MCF2L2: variants seen among roughly 807,000 people sequenced by gnomAD.
MCF2L2 encodes the protein probable guanine nucleotide exchange factor MCF2L2.
Under a neutral mutation model 150.2 loss-of-function variants are expected in MCF2L2, and 102 were observed. The ratio of observed to expected loss-of-function variants is 0.68; its 90% CI spans 0.58 to 0.80. The LOEUF (loss-of-function observed/expected upper bound fraction) is 0.80, where lower values mean the gene tolerates loss of function less well. MCF2L2 is among the 30% of genes least tolerant of loss of function. The pLI is 0.00. For synonymous variants in MCF2L2, 465 were observed against 491.3 expected (o/e 0.95, Z 0.71); for missense variants, 1,256 against 1,372.8 (o/e 0.91, Z 1.34).
rs1018982754 is a variant in MCF2L2 at position 183,283,711 on chromosome 3, G to A, written c.1776+5409C>T. Reference sequence around the variant, plus strand: ...TAATTTTTGTATTTTTAGTAGAGACGAGGTTTCACCATGTTGGTCAGTCTG... The same window carrying A: ...TAATTTTTGTATTTTTAGTAGAGACAAGGTTTCACCATGTTGGTCAGTCTG... On this transcript the variant is annotated intron_variant, in intron 14 of 29. Transcript: ENST00000328913. This position sits in a 1 kb window ranked among gnomAD's most constrained non-coding sequence, Gnocchi z 4.2. Among the ~76,000 whole-genome samples, 13 of 151,942 alleles carry A rather than the reference G, an allele frequency of 8.6e-5. No individual in the cohort carries two copies. Among genetic ancestry groups the A allele is most frequent in the South Asian group, 2.1e-4 (1 of 4,816 alleles).
chr3:183,338,033 C>T (rs989525957), intron 5 of MCF2L2, among the ~76,000 whole-genome samples: 4 of 152,070 alleles, frequency 2.6e-5, no homozygotes, highest in Non-Finnish European at 5.9e-5. Flanking sequence ...ATTTATGTCA[C>T]CCCTATATTT....
intron 3 of MCF2L2, among the ~76,000 whole-genome samples, chr3:183,349,009 G>A (rs1336858277): frequency 1.3e-5 from 2 of 152,130 alleles, no homozygotes; most frequent in African/African-American, 4.8e-5. Flanking sequence ...ACAACATCTA[G>A]CAATGCAGAC....
chr3:183,404,152 C>CA (rs1388096496), intron 1 of MCF2L2, among the ~76,000 whole-genome samples: 1 of 152,094 alleles, frequency 6.6e-6, no homozygotes, highest in African/African-American at 2.4e-5. Context: ...AATTTATGCA[C>CA]AAATACCTTG....
intron 3 of MCF2L2, among the ~76,000 whole-genome samples, chr3:183,342,468 C>T (rs1176551690): frequency 6.6e-6 from 1 of 152,120 alleles, no homozygotes; most frequent in Non-Finnish European, 1.5e-5. Flanking sequence ...ACCAACTTGA[C>T]TAGATTTGAA....
intron 27 of MCF2L2, among the ~76,000 whole-genome samples, chr3:183,191,297 G>A (rs182995465): frequency 6.6e-6 from 1 of 152,168 alleles, no homozygotes; most frequent in African/African-American, 2.4e-5. Flanking sequence ...CCCCACCAGA[G>A]AGGCACATTT....
chr3:183,413,106 G>A (rs1360864777), intron 1 of MCF2L2, among the ~76,000 whole-genome samples: 1 of 152,100 alleles, frequency 6.6e-6, no homozygotes, highest in Non-Finnish European at 1.5e-5. Flanking sequence ...TTTTTTGTAT[G>A]TTGCTGGATT....
intron 1 of MCF2L2, among the ~76,000 whole-genome samples, chr3:183,406,616 G>C (rs772721567): frequency 6.6e-6 from 1 of 152,096 alleles, no homozygotes; most frequent in African/African-American, 2.4e-5. Flanking sequence ...AGCCTCCCGA[G>C]TAGCTGAGAT....
chr3:183,392,453 G>C (rs1714210994), intron 1 of MCF2L2, among the ~76,000 whole-genome samples: 1 of 152,122 alleles, frequency 6.6e-6, no homozygotes, highest in South Asian at 2.1e-4. Flanking sequence ...CCCCCGACAA[G>C]AGACCTTTCT....
intron 14 of MCF2L2, among the ~76,000 whole-genome samples, chr3:183,282,320 A>C (rs891383911): frequency 6.6e-6 from 1 of 151,946 alleles, no homozygotes; most frequent in Non-Finnish European, 1.5e-5. Context: ...CTGGGACTAC[A>C]GGCACCCGCC....
chr3:183,320,225 T>A (rs1035679099), intron 6 of MCF2L2, among the ~76,000 whole-genome samples: 3 of 151,048 alleles, frequency 2.0e-5, no homozygotes, highest in East Asian at 3.9e-4. Context: ...CCTGAGTAGC[T>A]GGGATGACAG....
chr3:183,384,184 A>T (rs751659470), intron 2 of MCF2L2, among the ~76,000 whole-genome samples: 1 of 152,180 alleles, frequency 6.6e-6, no homozygotes, highest in Non-Finnish European at 1.5e-5. Flanking sequence ...AGTGAAAGGG[A>T]TCTAACTTAA....
chr3:183,264,725 G>A (rs1725932677), intron 15 of MCF2L2, among the ~76,000 whole-genome samples: 1 of 152,192 alleles, frequency 6.6e-6, no homozygotes, highest in South Asian at 2.1e-4. Flanking sequence ...TGAGTTGACA[G>A]CAGGGGTAAG....
chr3:183,241,901 C>G (rs760200065), intron 15 of MCF2L2, among the ~76,000 whole-genome samples: 1 of 152,116 alleles, frequency 6.6e-6, no homozygotes, highest in Non-Finnish European at 1.5e-5. Context: ...CAATAAAGTC[C>G]AGGCTGAGGT....
intron 3 of MCF2L2, among the ~76,000 whole-genome samples, chr3:183,364,606 C>T (rs548141927): frequency 2.8e-4 from 42 of 151,940 alleles, no homozygotes; most frequent in African/African-American, 9.7e-4. Context: ...AATCAAATTC[C>T]TACTTTTAAA....
intron 3 of MCF2L2, among the ~76,000 whole-genome samples, chr3:183,353,096 C>T (rs949340942): frequency 6.6e-6 from 1 of 152,124 alleles, no homozygotes; most frequent in African/African-American, 2.4e-5. Flanking sequence ...GTTTATTATA[C>T]TAGTCTGTTG....
chr3:183,179,193 T>G lies in MCF2L2; in HGVS notation c.*187A>C. On this transcript the variant is annotated 3_prime_UTR_variant, in exon 30 of 30. Coordinates refer to ENST00000328913, the MANE Select transcript of MCF2L2 (RefSeq NM_015078.4). The surrounding 1 kb of genome is among the most constrained non-coding windows in gnomAD (Gnocchi z 4.2). Reference sequence around the variant, plus strand: ...CTTAGAGCAGCTCCGAGGTCCCCCGTGCGGAGCTAGGCGCGCACCCAGGAC... The same window carrying G: ...CTTAGAGCAGCTCCGAGGTCCCCCGGGCGGAGCTAGGCGCGCACCCAGGAC... 3 of 736,980 alleles carry G rather than the reference T, an allele frequency of 4.1e-6. No individual in the cohort carries two copies. The highest frequency in any genetic ancestry group is 3.9e-6 in the Non-Finnish European group (2 of 516,828). 45.7% of individuals were successfully genotyped at this position (736,980 alleles called of 1,614,324 possible). A position where few individuals can be genotyped will look rare whatever the true frequency, so the allele number is the denominator to read the frequency against.
chr3:183,234,029 TTAC>T (rs1723688981), intron 15 of MCF2L2, among the ~76,000 whole-genome samples: 1 of 152,186 alleles, frequency 6.6e-6, no homozygotes, highest in African/African-American at 2.4e-5. Flanking sequence ...ACATCATACT[TTAC>T]TAAGTCACTG....
At chr3:183,320,378 C>A (rs912123577) in intron 6 of MCF2L2, among the ~76,000 whole-genome samples, 2 of 152,176 alleles carry the variant, frequency 1.3e-5, no homozygotes, top group African/African-American at 4.8e-5. Flanking sequence ...CAGGCATGAG[C>A]CACTGCGCCG....
intron 3 of MCF2L2, chr3:183,373,895 G>A (rs1375882587): frequency 1.3e-5 from 2 of 152,068 alleles, no homozygotes; most frequent in African/African-American, 4.8e-5. Flanking sequence ...CAGACTTAGA[G>A]TAATACGAGA....
Sources: allele counts gnomAD v4.1 joint callset (sites outside exome capture counted in the v4.1 genomes callset), GRCh38; gene constraint gnomAD v4.1.1; non-coding constraint Gnocchi (gnomAD v3.1); transcripts MANE v1.5; gene names NCBI Gene and HGNC (gene_info 2026-07-23, HGNC 2026-07-21).